Variants in FBXO34 observed in about 807,000 individuals in gnomAD.
FBXO34 encodes F-box only protein 34.
Under a neutral mutation model 24.5 loss-of-function variants are expected in FBXO34, and 12 were observed. The ratio of observed to expected loss-of-function variants is 0.49; its 90% CI spans 0.31 to 0.79. The LOEUF (loss-of-function observed/expected upper bound fraction) is 0.79, where lower values mean the gene tolerates loss of function less well. Among genes scored for constraint, FBXO34 ranks in the 30% least tolerant of loss-of-function variants. The pLI is 0.04. For missense variants in FBXO34, 823 were observed against 857.7 expected, an observed-to-expected ratio of 0.96 and a Z score of 0.51; for synonymous variants, 320 against 311.9, an observed-to-expected ratio of 1.03 and a Z score of -0.27.
rs1045002 is a variant in FBXO34, at chr14:55,351,799, T to G, written c.1409T>G (p.Ile470Ser). Residue 470 changes from isoleucine (I) to serine (S), a missense_variant, in exon 2 of 2, where the codon ATT becomes AGT. Around this residue, in one of 2 missense-constraint regions of FBXO34, gnomAD observed 693 missense variants for 659.1 expected, o/e 1.05. Transcript: ENST00000313833. ...VSKVDKDQPSILNSCEDPVPG... is the reference protein window; with the variant it reads ...VSKVDKDQPSSLNSCEDPVPG... ...AAGGTAGACAAAGACCAGCCTTCCA[T>G]TTTAAACTCCTGTGAAGACCCAGTT... 58 of 1,613,974 alleles carry G rather than the reference T, an allele frequency of 3.6e-5. 1 individual carries two copies. The African/African-American group carries it at 6.3e-4, about 17-fold the overall frequency.
the FBXO34 span, among the ~76,000 whole-genome samples, chr14:55,431,802 T>C: frequency 6.6e-6 from 1 of 152,228 alleles, no homozygotes; most frequent in Non-Finnish European, 1.5e-5. Flanking sequence ...GTCCAATTAA[T>C]ATAAATTCAG....
At chr14:55,315,812 T>G (rs1390484223) in intron 1 of FBXO34, among the ~76,000 whole-genome samples, 1 of 152,226 alleles carries the variant, frequency 6.6e-6, no homozygotes, top group African/African-American at 2.4e-5. Flanking sequence ...CTTAATGTGG[T>G]GAGGTACTTG....
chr14:55,357,994 G>C (rs1204038043), downstream of FBXO34, among the ~76,000 whole-genome samples: 2 of 152,162 alleles, frequency 1.3e-5, no homozygotes, highest in African/African-American at 4.8e-5. Context: ...TCTGGTTCAA[G>C]GGTAGGGTTG....
chr14:55,369,749 G>C, downstream of FBXO34: 1 of 1,614,178 alleles, frequency 6.2e-7, no homozygotes, highest in Non-Finnish European at 8.5e-7. Context: ...GACTTCCACA[G>C]ACTGGGAAGG....
chr14:55,411,454 G>A, the FBXO34 span: 2 of 797,582 alleles, frequency 2.5e-6, no homozygotes, highest in African/African-American at 1.7e-5. Flanking sequence ...GCAAAGCTCC[G>A]GTGCAGAGCA....
chr14:55,351,136 C>CT lies in FBXO34; in HGVS notation c.747dup (p.Glu250Ter). On this transcript the variant is annotated frameshift_variant, in exon 2 of 2. Coordinates refer to ENST00000313833, the MANE Select transcript of FBXO34 (RefSeq NM_017943.4). LOFTEE classifies it low-confidence loss of function (END_TRUNC). ...CAATCCAGAGGTGTGCCTGCAGTGTCTGAGTCCTATTCTGCCCCAGGAGCT... is the reference window on the plus strand; with the variant it reads ...CAATCCAGAGGTGTGCCTGCAGTGTCTTGAGTCCTATTCTGCCCCAGGAGCT... 1 of 1,614,216 alleles carries CT rather than the reference C, an allele frequency of 6.2e-7. No homozygotes were observed.
At chr14:55,322,275 A>C (rs1047613280) in intron 1 of FBXO34, among the ~76,000 whole-genome samples, 17 of 148,038 alleles carry the variant, frequency 1.1e-4, no homozygotes, top group Middle Eastern at 3.5e-3. Flanking sequence ...ACGCCACTGC[A>C]CTCCAGCCTG....
the FBXO34 span, among the ~76,000 whole-genome samples, chr14:55,384,865 G>T: frequency 1.6e-4 from 24 of 152,222 alleles, no homozygotes; most frequent in Non-Finnish European, 3.5e-4. Context: ...CTGATCAGCA[G>T]CAGCATCAGG....
At chr14:55,273,660 G>C (rs572943409) in intron 1 of FBXO34, among the ~76,000 whole-genome samples, 2 of 152,186 alleles carry the variant, frequency 1.3e-5, no homozygotes, top group Non-Finnish European at 2.9e-5. Flanking sequence ...GAGAGTGTTA[G>C]TCAACCTTTA....
chr14:55,383,461 G>A, the FBXO34 span, among the ~76,000 whole-genome samples: 2 of 152,208 alleles, frequency 1.3e-5, no homozygotes, highest in South Asian at 4.2e-4. Flanking sequence ...TAAGGCAGGA[G>A]AATTGCTTGA....
chr14:55,425,206 G>T, the FBXO34 span, among the ~76,000 whole-genome samples: 1 of 152,078 alleles, frequency 6.6e-6, no homozygotes, highest in African/African-American at 2.4e-5. Context: ...ATTGTGGGTG[G>T]AACTGTCTTC....
chr14:55,428,782 A>G, the FBXO34 span: 2 of 1,586,954 alleles, frequency 1.3e-6, no homozygotes, highest in African/African-American at 2.7e-5. Context: ...GTAAATTCAA[A>G]GTTCAAGCTA....
chr14:55,412,504 C>G, the FBXO34 span, among the ~76,000 whole-genome samples: 1 of 152,298 alleles, frequency 6.6e-6, no homozygotes, highest in East Asian at 1.9e-4. Context: ...GGGCCATGCT[C>G]TAAGAGAATT....
intron 3 of FBXO34, among the ~76,000 whole-genome samples, chr14:55,360,063 A>G (rs1477069931): frequency 2.0e-5 from 3 of 151,676 alleles, no homozygotes; most frequent in African/African-American, 4.8e-5. Flanking sequence ...CCTGGATGAG[A>G]GTGAGGAAAA....
chr14:55,372,221 TATC>T (rs1163738441), downstream of FBXO34, among the ~76,000 whole-genome samples: 2 of 152,084 alleles, frequency 1.3e-5, no homozygotes, highest in Admixed American at 6.5e-5. Flanking sequence ...GGCTACCTGT[TATC>T]ATTAAATAAG....
At chr14:55,380,853 G>GTATATATATATATATA in the FBXO34 span, among the ~76,000 whole-genome samples, 5 of 107,994 alleles carry the variant, frequency 4.6e-5, no homozygotes, top group African/African-American at 1.4e-4. Context: ...CATTCTTTGT[G>GTATATATATATATATA]TGTATATATA....
downstream of FBXO34, among the ~76,000 whole-genome samples, chr14:55,374,715 A>G (rs1205194732): frequency 9.9e-5 from 15 of 152,190 alleles, no homozygotes. Flanking sequence ...AGAATGTGGT[A>G]TGAACTCAAC....
intron 1 of FBXO34, among the ~76,000 whole-genome samples, chr14:55,281,236 A>G (rs1283205006): frequency 2.1e-5 from 3 of 140,608 alleles, no homozygotes; most frequent in South Asian, 4.7e-4. Context: ...CCTGGATGAC[A>G]GAGTGAGACC....
At chr14:55,349,615 T>TC (rs1021853446) in intron 1 of FBXO34, among the ~76,000 whole-genome samples, 1 of 148,272 alleles carries the variant, frequency 6.7e-6, no homozygotes, top group African/African-American at 2.5e-5. Flanking sequence ...TTCTTTTTTT[T>TC]TTTTTTTTTT....
Sources: allele counts gnomAD v4.1 joint callset (sites outside exome capture counted in the v4.1 genomes callset), GRCh38; gene constraint gnomAD v4.1.1; regional missense constraint gnomAD v4.1.1; transcripts MANE v1.5; gene names NCBI Gene and HGNC (gene_info 2026-07-23, HGNC 2026-07-21).